Variants in ADAM12 observed in about 807,000 individuals in gnomAD.
The protein encoded by ADAM12 is ADAM metallopeptidase domain 12.
Under a neutral mutation model 106.4 loss-of-function variants are expected in ADAM12, and 70 were observed. The observed-to-expected ratio is 0.66, with a 90% CI of 0.54 to 0.80. ADAM12 has a LOEUF of 0.80. Ranked by LOEUF, ADAM12 falls within the 30% of genes least tolerant of loss-of-function variation. The pLI is 0.00. For missense variants in ADAM12, 1,010 were observed against 1,171.9 expected (o/e 0.86, Z 2.02); for synonymous variants, 420 against 433.5 (o/e 0.97, Z 0.39).
At chr10:126,330,894 G>A (rs1428497843) in intron 1 of ADAM12, among the ~76,000 whole-genome samples, 1 of 152,188 alleles carries the variant, frequency 6.6e-6, no homozygotes, top group African/African-American at 2.4e-5. Flanking sequence ...GGCTTTAGCT[G>A]TATTAAGACT....
intron 14 of ADAM12, among the ~76,000 whole-genome samples, chr10:126,061,657 G>T (rs1954757425): frequency 2.0e-5 from 3 of 152,162 alleles, no homozygotes; most frequent in Admixed American, 2.0e-4. Context: ...GCAGAAGTCG[G>T]AGAGGGACAG....
intron 11 of ADAM12, among the ~76,000 whole-genome samples, chr10:126,086,669 AAAAAAAAAAAAAT>A (rs1295097059): frequency 1.7e-4 from 10 of 58,902 alleles, no homozygotes; most frequent in African/African-American, 1.1e-3. Context: ...AAAAAAAAAA[AAAAAAAAAAAAAT>A]ATATATATAT....
chr10:126,037,653 G>GT (rs1271162856), intron 20 of ADAM12, among the ~76,000 whole-genome samples: 1 of 152,138 alleles, frequency 6.6e-6, no homozygotes, highest in Non-Finnish European at 1.5e-5. Context: ...AACTCTAGCT[G>GT]TAATTCACCA....
At chr10:126,306,446 A>G (rs1010575198) in intron 2 of ADAM12, among the ~76,000 whole-genome samples, 2 of 152,108 alleles carry the variant, frequency 1.3e-5, no homozygotes, top group African/African-American at 4.8e-5. Context: ...TAATAGTGTT[A>G]TATTTACCAA....
chr10:126,158,776 G>A (rs1402559462), intron 3 of ADAM12, among the ~76,000 whole-genome samples: 1 of 140,536 alleles, frequency 7.1e-6, no homozygotes, highest in Non-Finnish European at 1.5e-5. Flanking sequence ...GGGAGGATGA[G>A]CAGAGCATGG....
rs542582616 is a variant in ADAM12 at position 126,103,223 on chromosome 10, T to C, written c.742-1982A>G. 2.0e-5 allele frequency among the ~76,000 whole-genome samples: 3 copies of C among 152,326 alleles called. No homozygotes were observed. In the East Asian group the frequency reaches 5.8e-4, roughly 29 times the overall value. ...TCCTTAGAACAGATTTCATACTTAG[T>C]AGTAATATAACAGACAACCTCCCCT... On this transcript the variant is annotated intron_variant, in intron 8 of 22. Transcript: ENST00000448723.
chr10:126,262,689 G>T (rs143640922), intron 3 of ADAM12, among the ~76,000 whole-genome samples: 1 of 152,126 alleles, frequency 6.6e-6, no homozygotes, highest in Non-Finnish European at 1.5e-5. Flanking sequence ...AGTCCCAGAG[G>T]CTTCCCAGTG....
rs141567369 is a variant in ADAM12 at position 126,339,765 on chromosome 10, TAGACAAGGCTC to T, written c.89-9267_89-9257del. ...GAGGGAGGAGCAGAAGTCCAGGTGG[TAGACAAGGCTC>T]AGACTGTGGCGGGCCTTTCAAGGCA... On this transcript the variant is annotated intron_variant, in intron 1 of 22. Coordinates refer to ENST00000448723, the MANE Select transcript of ADAM12 (RefSeq NM_001288973.2). 6.2e-3 allele frequency among the ~76,000 whole-genome samples: 932 copies of T among 150,794 alleles called. 7 individuals are homozygous for T. The highest frequency in any genetic ancestry group is 0.022 in the African/African-American group (890 of 41,026).
intron 2 of ADAM12, among the ~76,000 whole-genome samples, chr10:126,282,346 T>A (rs150959208): frequency 3.3e-5 from 5 of 152,202 alleles, no homozygotes; most frequent in African/African-American, 1.2e-4. Context: ...AATACAGGAA[T>A]TTGCTGGGGG....
intron 4 of ADAM12, among the ~76,000 whole-genome samples, chr10:126,137,437 G>A (rs567914786): frequency 8.6e-5 from 13 of 152,038 alleles, no homozygotes; most frequent in African/African-American, 2.4e-5. Flanking sequence ...ATAATCAGTG[G>A]GTTTTGTTGT....
chr10:126,027,801 G>C (rs1310388092), intron 21 of ADAM12, among the ~76,000 whole-genome samples: 3 of 152,060 alleles, frequency 2.0e-5, no homozygotes, highest in Non-Finnish European at 1.5e-5. Context: ...ACCAGCACAA[G>C]ATGCCCTCTC....
intron 4 of ADAM12, among the ~76,000 whole-genome samples, chr10:126,153,490 T>C (rs1956763658): frequency 6.6e-6 from 1 of 152,224 alleles, no homozygotes; most frequent in Non-Finnish European, 1.5e-5. Flanking sequence ...CACGGCTTGT[T>C]TCCTGTGTGT....
intron 2 of ADAM12, among the ~76,000 whole-genome samples, chr10:126,327,218 A>G (rs889807702): frequency 7.9e-5 from 12 of 152,152 alleles, no homozygotes; most frequent in Non-Finnish European, 1.3e-4. Flanking sequence ...GTTTGTCTTC[A>G]CACTCTAGGA....
At position 126,337,254 on chromosome 10, in the gene ADAM12, G is replaced by T. The variant is rs542740463; in HGVS notation, c.89-6745C>A. Among the ~76,000 whole-genome samples the T allele has an allele frequency of 1.7e-3, 256 of 152,316 alleles. 7 individuals are homozygous for T. The highest frequency in any genetic ancestry group is 9.1e-3 in the South Asian group (44 of 4,828). On this transcript the variant is annotated intron_variant, in intron 1 of 22. Transcript: ENST00000448723. ...TGCAGCCAAAGGTTGGGAAGCCACT[G>T]ATGTAAGTCCCACAGTCTGAAGTCT...
At chr10:126,262,386 A>G (rs888526672) in intron 3 of ADAM12, among the ~76,000 whole-genome samples, 1 of 152,188 alleles carries the variant, frequency 6.6e-6, no homozygotes, top group African/African-American at 2.4e-5. Context: ...CTTTGGCAAC[A>G]AAGAGTGGCC....
intron 3 of ADAM12, among the ~76,000 whole-genome samples, chr10:126,265,981 A>G (rs1959088480): frequency 6.6e-6 from 1 of 152,230 alleles, no homozygotes; most frequent in Non-Finnish European, 1.5e-5. Context: ...TGTGATAAAA[A>G]TAATTCTTTT....
At chr10:126,109,626 A>T in intron 7 of ADAM12, 149 bp downstream of exon 7, 1 of 604,380 alleles carries the variant, frequency 1.7e-6, no homozygotes, top group African/African-American at 1.8e-5. Flanking sequence ...TTATAAAATC[A>T]GAAAACCATT....
intron 14 of ADAM12, among the ~76,000 whole-genome samples, chr10:126,059,462 C>T (rs555334771): frequency 6.6e-6 from 1 of 152,194 alleles, no homozygotes; most frequent in Non-Finnish European, 1.5e-5. Context: ...ATTTCTTTCT[C>T]ACTTGATGGG....
intron 1 of ADAM12, among the ~76,000 whole-genome samples, chr10:126,382,719 A>G (rs138687594): frequency 1.5e-4 from 23 of 152,356 alleles, no homozygotes; most frequent in African/African-American, 5.5e-4. Flanking sequence ...CAGACATTTG[A>G]AGAAAGTCAG....
Sources: allele counts gnomAD v4.1 joint callset (sites outside exome capture counted in the v4.1 genomes callset), GRCh38; gene constraint gnomAD v4.1.1; transcripts MANE v1.5; gene names NCBI Gene and HGNC (gene_info 2026-07-23, HGNC 2026-07-21).